Variants in WASHC5 observed in about 807,000 individuals in gnomAD.
WASHC5 encodes WASH complex subunit strumpellin.
WASHC5 carries 101 observed loss-of-function variants against 150.4 expected under a neutral mutation model. The observed-to-expected ratio is 0.67, with a 90% CI of 0.57 to 0.79. The LOEUF is 0.79. WASHC5 is among the 30% of genes least tolerant of loss of function. The pLI is 0.00. For missense variants in WASHC5, 1,195 were observed against 1,396.3 expected, an observed-to-expected ratio of 0.86 and a Z score of 2.30; for synonymous variants, 467 against 491.2, an observed-to-expected ratio of 0.95 and a Z score of 0.65.
chr8:125,025,099 G>A (rs1202474787), intron 28 of WASHC5, among the ~76,000 whole-genome samples: 1 of 152,052 alleles, frequency 6.6e-6, no homozygotes, highest in South Asian at 2.1e-4. Flanking sequence ...AGATACCAAG[G>A]CCAGAAGGGG....
chr8:125,037,439 G>A, intron 25 of WASHC5, 106 bp from the exon 26 acceptor site: 1 of 771,090 alleles, frequency 1.3e-6, no homozygotes. Flanking sequence ...TTTGCTCTTT[G>A]GCTTTCCTGA....
intron 6 of WASHC5, among the ~76,000 whole-genome samples, chr8:125,078,266 T>G (rs1024210294): frequency 6.6e-6 from 1 of 152,154 alleles, no homozygotes; most frequent in African/African-American, 2.4e-5. Flanking sequence ...TTACCTTCCT[T>G]TTGTCACCTG....
intron 25 of WASHC5, among the ~76,000 whole-genome samples, chr8:125,038,364 T>C (rs908857924): frequency 6.6e-6 from 1 of 152,196 alleles, no homozygotes; most frequent in African/African-American, 2.4e-5. Flanking sequence ...GATTTTGCCA[T>C]GCAAAGAGAT....
At chr8:125,072,821 G>A (rs1487269985) in intron 9 of WASHC5, among the ~76,000 whole-genome samples, 3 of 152,080 alleles carry the variant, frequency 2.0e-5, no homozygotes, top group Non-Finnish European at 4.4e-5. Context: ...GGTGTGGGCT[G>A]GAAGGCACTA....
At chr8:125,025,909 CTTATA>C (rs1048640474) in intron 28 of WASHC5, among the ~76,000 whole-genome samples, 15 of 151,398 alleles carry the variant, frequency 9.9e-5, no homozygotes, top group African/African-American at 2.4e-5. Flanking sequence ...TCTGCTAAAT[CTTATA>C]TTATGAACAT....
At chr8:125,076,649 C>T in intron 6 of WASHC5, 149 bp from the exon 7 acceptor site, 1 of 822,408 alleles carries the variant, frequency 1.2e-6, no homozygotes, top group South Asian at 1.5e-5. Flanking sequence ...CCTTCTCAGA[C>T]TGTACCATTG....
At chr8:125,040,743 T>C (rs917755644) in intron 23 of WASHC5, 1 of 152,250 alleles carries the variant, frequency 6.6e-6, no homozygotes, top group Admixed American at 6.5e-5. Context: ...CCACCATGGT[T>C]GTAAGTTTCC....
At chr8:125,078,284 C>T (rs1399303783) in intron 6 of WASHC5, among the ~76,000 whole-genome samples, 1 of 152,096 alleles carries the variant, frequency 6.6e-6, no homozygotes, top group Non-Finnish European at 1.5e-5. Context: ...CTGTTGTGAC[C>T]TTGCTGCCAC....
chr8:125,036,584 G>A (rs1815713829), intron 26 of WASHC5, among the ~76,000 whole-genome samples: 1 of 144,536 alleles, frequency 6.9e-6, no homozygotes, highest in Non-Finnish European at 1.5e-5. Flanking sequence ...GAGGTGGAAG[G>A]ATTCTTGAGC....
chr8:125,088,312 C>T (rs368653731), intron 1 of WASHC5, among the ~76,000 whole-genome samples: 2 of 151,814 alleles, frequency 1.3e-5, no homozygotes, highest in African/African-American at 4.8e-5. Context: ...GTAATCCCAG[C>T]TACTCGGGAG....
chr8:125,056,931 G>C lies in WASHC5; in HGVS notation c.1876-114C>G. On this transcript the variant is annotated intron_variant, in intron 15 of 28. Transcript: ENST00000318410. ...TAGGGGGATGCTGAAAAATGTAAAA[G>C]AGCTGTTTTAATAACTGCTGGCAGG... The C allele has an allele frequency of 2.4e-6, 3 of 1,269,928 alleles. No homozygotes were observed. The Admixed American group carries it at 5.1e-5, about 22-fold the overall frequency. The allele number at this position is 1,269,928 out of a possible 1,614,324, so 78.7% of individuals were successfully genotyped here.
At chr8:125,024,901 G>A (rs961228927) in intron 28 of WASHC5, among the ~76,000 whole-genome samples, 3 of 151,868 alleles carry the variant, frequency 2.0e-5, no homozygotes, top group Non-Finnish European at 4.4e-5. Context: ...CAGCTCTCCC[G>A]CCTCCAAATC....
chr8:125,056,843 C>CGCAATGAA (rs1816422315), intron 15 of WASHC5, 26 bp from the exon 16 acceptor site: 1 of 1,613,722 alleles, frequency 6.2e-7, no homozygotes, highest in Admixed American at 1.7e-5. Flanking sequence ...AAGCAGGAAA[C>CGCAATGAA]GCAATGAACA....
At chr8:125,050,304 T>C (rs1263232973) in intron 18 of WASHC5, among the ~76,000 whole-genome samples, 1 of 152,114 alleles carries the variant, frequency 6.6e-6, no homozygotes, top group Non-Finnish European at 1.5e-5. Flanking sequence ...ATGGGATCAA[T>C]AGGTGGAGGA....
intron 11 of WASHC5, among the ~76,000 whole-genome samples, chr8:125,062,147 G>A (rs1479314467): frequency 6.6e-6 from 1 of 152,094 alleles, no homozygotes; most frequent in Non-Finnish European, 1.5e-5. Flanking sequence ...GAGGGGCAGC[G>A]ATGGAGTAGT....
At chr8:125,062,466 T>A (rs1238140567) in intron 11 of WASHC5, among the ~76,000 whole-genome samples, 1 of 152,178 alleles carries the variant, frequency 6.6e-6, no homozygotes, top group Non-Finnish European at 1.5e-5. Flanking sequence ...GCTAACCGGG[T>A]CAGATTGTTA....
At chr8:125,044,823 A>T in intron 20 of WASHC5, 125 bp from the exon 21 acceptor site, 2 of 1,017,584 alleles carry the variant, frequency 2.0e-6, no homozygotes, top group Non-Finnish European at 3.1e-6. Context: ...TGTGTTTTCT[A>T]ACCTCTGTAT....
Position 125,056,690 on chromosome 8 carries a change from C to A in WASHC5, c.2003G>T (p.Gly668Val), listed in dbSNP as rs763639768. ...KDKLRDYAQL[G>V]PRYEVAKLTH... Reference sequence around the variant, plus strand: ...GGGACACAGCACCTCGTATCGTGGGCCTAGCTGAGCATAGTCCCTCAGCTT... The same window carrying A: ...GGGACACAGCACCTCGTATCGTGGGACTAGCTGAGCATAGTCCCTCAGCTT... Residue 668 changes from glycine (G) to valine (V), a missense_variant, in exon 16 of 29, where the codon GGC becomes GTC. By Grantham distance (109) the Gly-to-Val change is moderately radical. Around this residue, in one of 3 missense-constraint regions of WASHC5, gnomAD observed 997 missense variants for 1,168.1 expected, o/e 0.85. Transcript: ENST00000318410. 3.7e-6 allele frequency: 6 copies of A among 1,614,004 alleles called. 1 individual carries two copies. Among genetic ancestry groups the A allele is most frequent in the Non-Finnish European group, 4.2e-6 (5 of 1,179,978 alleles).
chr8:125,027,367 C>T (rs1172675506), intron 28 of WASHC5, among the ~76,000 whole-genome samples: 5 of 152,144 alleles, frequency 3.3e-5, no homozygotes, highest in Admixed American at 6.5e-5. Context: ...TGGAACCAAC[C>T]TAAGTGTCCA....
Sources: gnomAD v4.1 joint callset for allele counts (sites outside exome capture counted in the v4.1 genomes callset) on GRCh38, gnomAD v4.1.1 for gene constraint, gnomAD v4.1.1 regional missense constraint, MANE v1.5 for transcripts, NCBI Gene and HGNC (gene_info 2026-07-23, HGNC 2026-07-21) for gene names.